POC5: variants seen among roughly 807,000 people sequenced by gnomAD.
POC5 encodes the protein centrosomal protein POC5.
A neutral mutation model predicts 62.9 loss-of-function variants in POC5; 48 were observed. The observed-to-expected ratio is 0.76, with a 90% CI of 0.61 to 0.97. The LOEUF (loss-of-function observed/expected upper bound fraction) is 0.97, where lower values mean the gene tolerates loss of function less well. POC5 is among the 50% of genes least tolerant of loss of function. POC5 has a pLI of 0.00. For synonymous variants in POC5, 236 were observed against 228.2 expected, an observed-to-expected ratio of 1.03 and a Z score of -0.31; for missense variants, 696 against 679.5, an observed-to-expected ratio of 1.02 and a Z score of -0.27.
At chr5:75,675,611 A>G (rs571506801) in intron 11 of POC5, among the ~76,000 whole-genome samples, 1 of 152,348 alleles carries the variant, frequency 6.6e-6, no homozygotes, top group African/African-American at 2.4e-5. Context: ...AGTATCTTAT[A>G]AAAACGTTTA....
intron 11 of POC5, among the ~76,000 whole-genome samples, chr5:75,674,898 G>A (rs1358315699): frequency 6.6e-6 from 1 of 152,208 alleles, no homozygotes; most frequent in Non-Finnish European, 1.5e-5. Context: ...TTTGTATACA[G>A]AGAGAAACTC....
intron 5 of POC5, among the ~76,000 whole-genome samples, chr5:75,696,613 A>C (rs1296844720): frequency 1.3e-5 from 2 of 152,160 alleles, no homozygotes; most frequent in African/African-American, 4.8e-5. Flanking sequence ...ATGGGGAAAA[A>C]ACAGAGCAGA....
At position 75,702,194 on chromosome 5, in the gene POC5, G is replaced by C. The variant is rs373980800; in HGVS notation, c.513+411C>G. Among the ~76,000 whole-genome samples the C allele has an allele frequency of 1.4e-4, 22 of 152,206 alleles. No individual in the cohort carries two copies. In the East Asian group the frequency reaches 2.3e-3, roughly 16 times the overall value. On this transcript the variant is annotated intron_variant, in intron 5 of 11. Transcript: ENST00000428202. ...GAGGGTAAGGGGAGGGAGAGCATTA[G>C]GACACATACCTAATGCATGTGGGGC...
chr5:75,694,415 T>C (rs1466237457), intron 6 of POC5, among the ~76,000 whole-genome samples: 3 of 152,210 alleles, frequency 2.0e-5, no homozygotes, highest in African/African-American at 7.2e-5. Context: ...GGTGATGTTT[T>C]AATGTAGTTT....
intron 7 of POC5, 95 bp downstream of exon 7, chr5:75,692,301 T>G: frequency 1.2e-6 from 1 of 814,000 alleles, no homozygotes. Flanking sequence ...CAAATTCATT[T>G]TGACTTATTA....
At chr5:75,698,758 A>C (rs1776724002) in intron 5 of POC5, among the ~76,000 whole-genome samples, 1 of 152,072 alleles carries the variant, frequency 6.6e-6, no homozygotes, top group South Asian at 2.1e-4. Context: ...AAAACCCTTC[A>C]AAAAATTAAT....
In POC5 at chr5:75,674,243, AAAT is replaced by A. The variant is rs1199679200; in HGVS notation, c.*189_*191del. ...AGTTTTACTTAATTGCTTAAATAAA[AAAT>A]AACATTAAAATAATTTCTACATATA... On this transcript the variant is annotated 3_prime_UTR_variant, in exon 12 of 12. Coordinates refer to ENST00000428202, the MANE Select transcript of POC5 (RefSeq NM_001099271.2). The A allele has an allele frequency of 2.3e-6, 1 of 434,470 alleles. No homozygotes were observed. The highest frequency in any genetic ancestry group is 2.0e-5 in the African/African-American group (1 of 49,196). The allele number at this position is 434,470 out of a possible 1,614,324, so 26.9% of individuals were successfully genotyped here.
At chr5:75,701,553 C>T (rs1194626659) in intron 5 of POC5, among the ~76,000 whole-genome samples, 4 of 130,178 alleles carry the variant, frequency 3.1e-5, no homozygotes, top group Non-Finnish European at 6.3e-5. Flanking sequence ...GGGAACATCA[C>T]ACTCTGGGGA....
chr5:75,694,626 C>A, intron 6 of POC5, 29 bp downstream of exon 6: 1 of 1,410,172 alleles, frequency 7.1e-7, no homozygotes, highest in South Asian at 1.5e-5. Context: ...TACTGAATCT[C>A]AGTTAAAAAG....
In POC5 at chr5:75,714,483, G is replaced by C. The variant is rs572597887; in HGVS notation, c.-14-1532C>G. Among the ~76,000 whole-genome samples, 15 of 152,314 alleles carry C rather than the reference G, an allele frequency of 9.8e-5. No individual in the cohort carries two copies. In the South Asian group the frequency reaches 3.1e-3, roughly 32 times the overall value. On this transcript the variant is annotated intron_variant, in intron 1 of 11. Transcript: ENST00000428202. Reference sequence around the variant, plus strand: ...AAGATAAATGATGACCTAAGTCTAGGAAGTAGCAATGGGAAGGGGATGGAG... The same window carrying C: ...AAGATAAATGATGACCTAAGTCTAGCAAGTAGCAATGGGAAGGGGATGGAG...
intron 2 of POC5, chr5:75,712,500 G>C (rs1012328305): frequency 6.7e-7 from 1 of 1,485,006 alleles, no homozygotes; most frequent in Non-Finnish European, 9.3e-7. Flanking sequence ...ACTTTGGATG[G>C]TTTGATATTG....
At chr5:75,693,719 C>G (rs1020240953) in intron 6 of POC5, among the ~76,000 whole-genome samples, 1 of 152,104 alleles carries the variant, frequency 6.6e-6, no homozygotes, top group African/African-American at 2.4e-5. Flanking sequence ...TTAAGTGCTA[C>G]TTCTGCAGAC....
chr5:75,715,140 G>A (rs772196128), intron 1 of POC5, among the ~76,000 whole-genome samples: 5 of 151,750 alleles, frequency 3.3e-5, no homozygotes, highest in Non-Finnish European at 5.9e-5. Flanking sequence ...GTGAAACCCC[G>A]TCTCCACTAA....
intron 11 of POC5, among the ~76,000 whole-genome samples, chr5:75,677,040 T>C (rs1241265324): frequency 3.3e-5 from 5 of 152,182 alleles, no homozygotes; most frequent in Non-Finnish European, 7.3e-5. Context: ...ATAAAATGCC[T>C]TAATACATCT....
intron 2 of POC5, among the ~76,000 whole-genome samples, chr5:75,711,673 T>C (rs1777350234): frequency 6.6e-6 from 1 of 152,218 alleles, no homozygotes; most frequent in African/African-American, 2.4e-5. Flanking sequence ...GGAGAGGCTT[T>C]CAACTTCAGT....
Position 75,685,437 on chromosome 5 carries a change from G to C in POC5, c.1177C>G (p.Gln393Glu). The change falls in exon 10 of 12, where the codon CAA (glutamine) becomes GAA (glutamate). Residue 393 changes from glutamine to glutamate, a missense_variant. Gln to Glu is a conservative substitution (Grantham distance 29). Coordinates refer to ENST00000428202, the MANE Select transcript of POC5 (RefSeq NM_001099271.2). ...NKKEEYGPGVQGKEHSAHLDP... is the reference protein window; with the variant it reads ...NKKEEYGPGVEGKEHSAHLDP... ...AAATGAGCAGAATGTTCTTTTCCTT[G>C]AACACCAGGACCATACTCTTCCTTT... The C allele has an allele frequency of 6.2e-7, 1 of 1,613,660 alleles. No homozygotes were observed. Among genetic ancestry groups the C allele is most frequent in the South Asian group, 1.1e-5 (1 of 91,078 alleles).
intron 4 of POC5, 144 bp downstream of exon 4, chr5:75,705,560 T>A (rs889956407): frequency 3.1e-5 from 17 of 548,022 alleles, no homozygotes; most frequent in Non-Finnish European, 9.3e-6. Flanking sequence ...ATTTTAAATA[T>A]TATCACTTAA....
At chr5:75,703,468 A>C (rs2112180502) in intron 4 of POC5, among the ~76,000 whole-genome samples, 1 of 152,168 alleles carries the variant, frequency 6.6e-6, no homozygotes, top group East Asian at 1.9e-4. Flanking sequence ...TCTACTAAAA[A>C]TACAAAAATT....
In POC5 at chr5:75,694,639, A is replaced by G; in HGVS notation, c.690+16T>C. 6.8e-7 allele frequency: 1 copy of G among 1,466,080 alleles called. No individual in the cohort carries two copies. The highest frequency in any genetic ancestry group is 1.4e-5 in the African/African-American group (1 of 69,042). 90.8% of individuals were successfully genotyped at this position (1,466,080 alleles called of 1,614,324 possible). On this transcript the variant is annotated intron_variant, in intron 6 of 11. Coordinates refer to ENST00000428202, the MANE Select transcript of POC5 (RefSeq NM_001099271.2). ...TTTACTGAATCTCAGTTAAAAAGAA[A>G]TATAAAAAAGAAGACCTCATCTTTT...
Sources: allele counts gnomAD v4.1 joint callset (sites outside exome capture counted in the v4.1 genomes callset), GRCh38; gene constraint gnomAD v4.1.1; transcripts MANE v1.5; gene names NCBI Gene and HGNC (gene_info 2026-07-23, HGNC 2026-07-21).